The following ALG12 variants were observed in gnomAD, a reference collection of about 807,000 sequenced individuals.
ALG12 encodes the protein ALG12 alpha-1,6-mannosyltransferase, also known as dol-P-Man:Man(7)GlcNAc(2)-PP-Dol alpha-1,6-mannosyltransferase.
A neutral mutation model predicts 46.0 loss-of-function variants in ALG12; 36 were observed. The observed-to-expected ratio is 0.78, with a 90% CI of 0.60 to 1.03. The LOEUF (loss-of-function observed/expected upper bound fraction) is 1.03. Ranked by LOEUF, ALG12 falls within the 50% of genes least tolerant of loss-of-function variation. The probability of loss-of-function intolerance (pLI) is 0.00; values close to 1 mark genes in which losing one functional copy is unlikely to be tolerated. For missense variants in ALG12, 599 were observed against 633.5 expected, an observed-to-expected ratio of 0.95 and a Z score of 0.58; for synonymous variants, 326 against 291.6, an observed-to-expected ratio of 1.12 and a Z score of -1.20.
chr22:49,873,715 C>T, the ALG12 span, among the ~76,000 whole-genome samples: 32 of 152,160 alleles, frequency 2.1e-4, no homozygotes, highest in Non-Finnish European at 1.2e-4. Flanking sequence ...ATTGGGTCTT[C>T]CCACCTCATC....
chr22:49,908,035 C>T, intron 6 of ALG12, 91 bp from the exon 7 acceptor site: 1 of 1,324,952 alleles, frequency 7.5e-7, no homozygotes. Context: ...CGCTTGAAGA[C>T]AGTTGTGCTG....
chr22:49,884,501 G>A, the ALG12 span: 14 of 1,614,212 alleles, frequency 8.7e-6, no homozygotes, highest in South Asian at 1.4e-4. Context: ...CTTCCAAAGA[G>A]CACCTCTGGG....
chr22:49,917,954 A>C (rs1187346355), intron 1 of ALG12, among the ~76,000 whole-genome samples: 1 of 148,368 alleles, frequency 6.7e-6, no homozygotes, highest in Non-Finnish European at 1.5e-5. Flanking sequence ...GTCCGGCCCC[A>C]GGTGAGGAGC....
At chr22:49,884,297 T>G in the ALG12 span, 1 of 1,613,244 alleles carries the variant, frequency 6.2e-7, no homozygotes, top group South Asian at 1.1e-5. Flanking sequence ...GTCCAGAAAG[T>G]GGCGTCTAAG....
the ALG12 span, among the ~76,000 whole-genome samples, chr22:49,879,493 G>A: frequency 2.6e-5 from 4 of 151,548 alleles, no homozygotes; most frequent in East Asian, 8.0e-4. Flanking sequence ...CACTATATCC[G>A]CTCTTACAAT....
At chr22:49,882,145 G>A in the ALG12 span, among the ~76,000 whole-genome samples, 1 of 152,276 alleles carries the variant, frequency 6.6e-6, no homozygotes, top group South Asian at 2.1e-4. Context: ...CCTCCCTGTG[G>A]GGGTGACCCA....
At chr22:49,916,037 A>T (rs1230501883) in intron 1 of ALG12, among the ~76,000 whole-genome samples, 1 of 152,020 alleles carries the variant, frequency 6.6e-6, no homozygotes, top group East Asian at 1.9e-4. Context: ...AGGCGGGTGG[A>T]TCACAAGGTC....
At chr22:49,909,598 C>T (rs373105015) in intron 5 of ALG12, among the ~76,000 whole-genome samples, 4 of 152,250 alleles carry the variant, frequency 2.6e-5, no homozygotes, top group Admixed American at 2.6e-4. Context: ...CCAACTGTGT[C>T]GAGGACACCA....
At chr22:49,883,889 C>A in the ALG12 span, 5 of 1,607,114 alleles carry the variant, frequency 3.1e-6, no homozygotes, top group Non-Finnish European at 4.3e-6. Context: ...AAGTACTTGT[C>A]TGCAGAGAGT....
chr22:49,866,174 T>C, the ALG12 span, among the ~76,000 whole-genome samples: 1 of 152,212 alleles, frequency 6.6e-6, no homozygotes, highest in Non-Finnish European at 1.5e-5. Context: ...TAAATTAGTG[T>C]TATTAGTTGA....
At chr22:49,916,423 A>C (rs2060609516) in intron 1 of ALG12, among the ~76,000 whole-genome samples, 2 of 152,100 alleles carry the variant, frequency 1.3e-5, no homozygotes, top group South Asian at 2.1e-4. Context: ...TCTACTAAAA[A>C]TACAAAAATT....
the ALG12 span, among the ~76,000 whole-genome samples, chr22:49,875,110 A>G: frequency 6.6e-6 from 1 of 152,100 alleles, no homozygotes; most frequent in African/African-American, 2.4e-5. Flanking sequence ...CTGTGCTCAT[A>G]GGGTATCAAG....
At chr22:49,874,698 T>TTTTTTTTTA in the ALG12 span, among the ~76,000 whole-genome samples, 1 of 142,292 alleles carries the variant, frequency 7.0e-6, no homozygotes. Flanking sequence ...TTTTTTTTTT[T>TTTTTTTTTA]GAGACGGAGT....
chr22:49,883,682 C>T, the ALG12 span: 3 of 1,586,536 alleles, frequency 1.9e-6, no homozygotes, highest in Non-Finnish European at 2.6e-6. Context: ...AACTTGAAAA[C>T]TTGTCCCAAA....
the ALG12 span, among the ~76,000 whole-genome samples, chr22:49,873,373 T>C: frequency 6.6e-6 from 1 of 152,186 alleles, no homozygotes; most frequent in Non-Finnish European, 1.5e-5. Context: ...GACGGGGAAC[T>C]GCTGGTTGAT....
At chr22:49,875,771 G>A in the ALG12 span, among the ~76,000 whole-genome samples, 1 of 151,970 alleles carries the variant, frequency 6.6e-6, no homozygotes, top group African/African-American at 2.4e-5. Flanking sequence ...TTTTTTATAT[G>A]TTTCCTTACT....
chr22:49,899,880 G>A (rs904131993), downstream of ALG12, among the ~76,000 whole-genome samples: 2 of 151,968 alleles, frequency 1.3e-5, no homozygotes, highest in African/African-American at 4.8e-5. Context: ...TGAAAAAAAC[G>A]GTGGCTGGAA....
the ALG12 span, among the ~76,000 whole-genome samples, chr22:49,881,062 C>T: frequency 6.6e-6 from 1 of 152,224 alleles, no homozygotes; most frequent in Non-Finnish European, 1.5e-5. Flanking sequence ...GTTTCATTTT[C>T]TGGCCAGGCG....
chr22:49,866,755 A>G, the ALG12 span, among the ~76,000 whole-genome samples: 16 of 152,120 alleles, frequency 1.1e-4, no homozygotes, highest in Non-Finnish European at 1.8e-4. Flanking sequence ...TGCCTATTAT[A>G]TTAGTTTTCT....
Sources: allele counts gnomAD v4.1 joint callset (sites outside exome capture counted in the v4.1 genomes callset), GRCh38; gene constraint gnomAD v4.1.1; transcripts MANE v1.5; gene names NCBI Gene and HGNC (gene_info 2026-07-23, HGNC 2026-07-21).